The following IL1RAPL2 variants were observed in gnomAD, a reference collection of about 807,000 sequenced individuals.
IL1RAPL2 encodes the protein interleukin 1 receptor accessory protein like 2.
A neutral mutation model predicts 44.1 loss-of-function variants in IL1RAPL2; 3 were observed. The observed-to-expected ratio is 0.07, with a 90% CI of 0.03 to 0.18. The LOEUF is 0.18. IL1RAPL2 is among the 10% of genes least tolerant of loss of function. IL1RAPL2 has a pLI of 1.00. For synonymous variants in IL1RAPL2, 181 were observed against 178.8 expected, an observed-to-expected ratio of 1.01 and a Z score of -0.10; for missense variants, 391 against 496.4, an observed-to-expected ratio of 0.79 and a Z score of 2.02.
chrX:105,520,578 A>G (rs1430623989), intron 6 of IL1RAPL2, among the ~76,000 whole-genome samples: 1 of 111,267 alleles, frequency 9.0e-6, no homozygotes, highest in Non-Finnish European at 1.9e-5. Flanking sequence ...TGTGCCATAT[A>G]TTTTTTTCTT....
chrX:105,600,449 C>A (rs2037242329), intron 6 of IL1RAPL2, among the ~76,000 whole-genome samples: 1 of 109,118 alleles, frequency 9.2e-6, no homozygotes, highest in South Asian at 3.9e-4. Context: ...TACCACACCA[C>A]CATTGACATA....
rs192502821 is a variant in IL1RAPL2, at chrX:105,220,512, C to T, written c.357-13306C>T. On this transcript the variant is annotated intron_variant, in intron 3 of 10. Transcript: ENST00000372582. The stretch of plus-strand genomic sequence containing the variant: ...CCATCTTCTCCCGCCCTCTTGTCCC[C>T]GCCCTACCCGCTCTGACAAGACCGT... 8.1e-4 allele frequency: 569 copies of T among 701,964 alleles called. 4 individuals are homozygous for T. The African/African-American group carries it at 0.011, about 14-fold the overall frequency. 57.8% of individuals were successfully genotyped at this position (701,964 alleles called of 1,213,427 possible).
chrX:105,300,334 G>A, intron 5 of IL1RAPL2, among the ~76,000 whole-genome samples: 1 of 111,137 alleles, frequency 9.0e-6, no homozygotes, highest in East Asian at 2.8e-4. Flanking sequence ...AAGGCAAAGT[G>A]GAGCAGGTGT....
intron 2 of IL1RAPL2, among the ~76,000 whole-genome samples, chrX:104,779,849 A>C (rs1602724032): frequency 9.0e-6 from 1 of 110,919 alleles, no homozygotes; most frequent in East Asian, 2.8e-4. Context: ...TGTGGTCTGC[A>C]ACATGGGAGG....
chrX:105,216,243 A>T (rs782550928), intron 3 of IL1RAPL2, among the ~76,000 whole-genome samples: 5 of 111,550 alleles, frequency 4.5e-5, no homozygotes, highest in Non-Finnish European at 3.8e-5. Context: ...CCTTAAGCTG[A>T]TAAGCAACTT....
chrX:104,921,192 T>C (rs924823729), intron 2 of IL1RAPL2, among the ~76,000 whole-genome samples: 21 of 111,174 alleles, frequency 1.9e-4, no homozygotes, highest in Non-Finnish European at 3.2e-4. Flanking sequence ...AGCCCAAAAG[T>C]CTTCAGTGTG....
chrX:105,235,409 G>A (rs1207576224), intron 4 of IL1RAPL2, among the ~76,000 whole-genome samples: 2 of 111,620 alleles, frequency 1.8e-5, no homozygotes, highest in African/African-American at 6.5e-5. Flanking sequence ...TGTGTGTACT[G>A]TTGGAACCAA....
intron 2 of IL1RAPL2, among the ~76,000 whole-genome samples, chrX:104,877,309 A>G (rs1217303095): frequency 9.0e-6 from 1 of 110,905 alleles, no homozygotes; most frequent in Non-Finnish European, 1.9e-5. Context: ...CGCCACACTG[A>G]CTTCCACAAT....
intron 2 of IL1RAPL2, among the ~76,000 whole-genome samples, chrX:104,736,496 T>C (rs73243899): frequency 6.2e-5 from 7 of 112,140 alleles, no homozygotes; most frequent in South Asian, 3.7e-4. Flanking sequence ...TTTCACTCTT[T>C]AGTTAATCAT....
intron 2 of IL1RAPL2, among the ~76,000 whole-genome samples, chrX:104,755,413 G>A (rs1054216901): frequency 1.8e-5 from 2 of 109,406 alleles, no homozygotes; most frequent in Non-Finnish European, 1.9e-5. Flanking sequence ...CCCCAAACTC[G>A]TCAGGTACTA....
chrX:105,088,128 T>C (rs981346923), intron 2 of IL1RAPL2, among the ~76,000 whole-genome samples: 1 of 112,118 alleles, frequency 8.9e-6, no homozygotes, highest in Non-Finnish European at 1.9e-5. Context: ...GGATACTATG[T>C]AAATCATAAC....
chrX:104,934,708 T>C (rs947889521), intron 2 of IL1RAPL2, among the ~76,000 whole-genome samples: 4 of 111,854 alleles, frequency 3.6e-5, no homozygotes, highest in Middle Eastern at 4.6e-3. Context: ...TTGAATAGGC[T>C]CATCGTAGTC....
intron 2 of IL1RAPL2, among the ~76,000 whole-genome samples, chrX:105,024,957 A>G (rs1464668313): frequency 9.4e-6 from 1 of 106,036 alleles, no homozygotes; most frequent in Non-Finnish European, 2.0e-5. Context: ...TACATTTTCT[A>G]TGCCTACTTA....
At chrX:104,951,342 G>T (rs1925579366) in intron 2 of IL1RAPL2, among the ~76,000 whole-genome samples, 1 of 112,257 alleles carries the variant, frequency 8.9e-6, no homozygotes, top group Admixed American at 9.5e-5. Context: ...TACCAAAAGG[G>T]AAATGAATAG....
At chrX:105,457,053 C>T (rs1246775002) in intron 5 of IL1RAPL2, among the ~76,000 whole-genome samples, 1 of 107,890 alleles carries the variant, frequency 9.3e-6, no homozygotes, top group African/African-American at 3.4e-5. Context: ...CACACACACA[C>T]ACACACACAC....
chrX:105,690,147 A>G (rs2038023147), intron 6 of IL1RAPL2, among the ~76,000 whole-genome samples: 1 of 110,904 alleles, frequency 9.0e-6, no homozygotes, highest in African/African-American at 3.3e-5. Context: ...CAGCAAACCA[A>G]CATGGCACAT....
At chrX:105,587,787 C>T (rs1042283218) in intron 6 of IL1RAPL2, among the ~76,000 whole-genome samples, 3 of 111,489 alleles carry the variant, frequency 2.7e-5, no homozygotes, top group Non-Finnish European at 1.9e-5. Flanking sequence ...ACCTGTAATC[C>T]CAGCACTTTG....
chrX:104,632,891 T>G (rs1386221534), intron 1 of IL1RAPL2, among the ~76,000 whole-genome samples: 9 of 111,207 alleles, frequency 8.1e-5, no homozygotes, highest in East Asian at 2.8e-4. Flanking sequence ...AATAGGAGTG[T>G]TGAGAGAGGG....
At chrX:105,175,915 C>T (rs887640972) in intron 2 of IL1RAPL2, among the ~76,000 whole-genome samples, 44 of 109,903 alleles carry the variant, frequency 4.0e-4, no homozygotes, top group East Asian at 1.7e-3. Context: ...TTGATTATAA[C>T]GATTAATGGT....
Sources: allele counts gnomAD v4.1 joint callset (sites outside exome capture counted in the v4.1 genomes callset), GRCh38; gene constraint gnomAD v4.1.1; transcripts MANE v1.5; gene names NCBI Gene and HGNC (gene_info 2026-07-23, HGNC 2026-07-21).